FBXO34: variants seen among roughly 807,000 people sequenced by gnomAD.
FBXO34 encodes F-box only protein 34.
Under a neutral mutation model 24.5 loss-of-function variants are expected in FBXO34, and 12 were observed. The ratio of observed to expected loss-of-function variants is 0.49; its 90% CI spans 0.31 to 0.79. The LOEUF is 0.79. Ranked by LOEUF, FBXO34 falls within the 30% of genes least tolerant of loss-of-function variation. The probability of loss-of-function intolerance (pLI) is 0.04; values close to 1 mark genes in which losing one functional copy is unlikely to be tolerated. For missense variants in FBXO34, 823 were observed against 857.7 expected (o/e 0.96, Z 0.51); for synonymous variants, 320 against 311.9 (o/e 1.03, Z -0.27).
the FBXO34 span, among the ~76,000 whole-genome samples, chr14:55,405,314 A>G: frequency 6.6e-6 from 1 of 152,228 alleles, no homozygotes; most frequent in Non-Finnish European, 1.5e-5. Flanking sequence ...GAAATCTGCA[A>G]TAATATTTAA....
intron 1 of FBXO34, among the ~76,000 whole-genome samples, chr14:55,278,517 A>C (rs1226585663): frequency 1.3e-5 from 2 of 152,114 alleles, no homozygotes; most frequent in Non-Finnish European, 2.9e-5. Flanking sequence ...TCCTTTATTT[A>C]ATGAGCTCAG....
intron 1 of FBXO34, among the ~76,000 whole-genome samples, chr14:55,277,454 G>A (rs1242504647): frequency 6.6e-6 from 1 of 152,052 alleles, no homozygotes; most frequent in Non-Finnish European, 1.5e-5. Context: ...TTGAGTAGTT[G>A]GGTCTACAGG....
At chr14:55,284,965 A>G (rs1881707467) in intron 1 of FBXO34, among the ~76,000 whole-genome samples, 1 of 148,826 alleles carries the variant, frequency 6.7e-6, no homozygotes, top group Non-Finnish European at 1.5e-5. Context: ...GTGAATCTTT[A>G]CCATGTTTAT....
At chr14:55,296,134 G>A (rs1882113865) in intron 1 of FBXO34, among the ~76,000 whole-genome samples, 1 of 151,978 alleles carries the variant, frequency 6.6e-6, no homozygotes. Flanking sequence ...GTTAACCAAT[G>A]CTAATTTAAA....
At chr14:55,294,194 CTTA>C (rs986771548) in intron 1 of FBXO34, among the ~76,000 whole-genome samples, 2 of 152,088 alleles carry the variant, frequency 1.3e-5, no homozygotes, top group East Asian at 3.8e-4. Context: ...GTAGAATTTA[CTTA>C]TTATGACTAT....
In FBXO34 at chr14:55,352,621, C is replaced by G. The variant is rs142724770; in HGVS notation, c.*95C>G. 52 of 991,724 alleles carry G rather than the reference C, an allele frequency of 5.2e-5. 1 individual carries two copies. The highest frequency in any genetic ancestry group is 2.9e-5 in the Admixed American group (1 of 34,308). The allele number at this position is 991,724 out of a possible 1,614,324, so 61.4% of individuals were successfully genotyped here. On this transcript the variant is annotated 3_prime_UTR_variant, in exon 2 of 2. Coordinates refer to ENST00000313833, the MANE Select transcript of FBXO34 (RefSeq NM_017943.4). ...GAGCGTAGCCCCCTGAGTCATCACT[C>G]TAGAAGAATCTGTACATCATCAGGA...
the FBXO34 span, among the ~76,000 whole-genome samples, chr14:55,375,171 A>G: frequency 1.3e-5 from 2 of 152,226 alleles, no homozygotes; most frequent in African/African-American, 4.8e-5. Context: ...AATAAAAATA[A>G]GCTTCATAAT....
At chr14:55,414,402 G>T in the FBXO34 span, 6 of 1,607,416 alleles carry the variant, frequency 3.7e-6, no homozygotes, top group African/African-American at 8.0e-5. Flanking sequence ...AAACCTTTTA[G>T]AATAGGATAG....
intron 1 of FBXO34, among the ~76,000 whole-genome samples, chr14:55,301,089 G>A (rs1004970425): frequency 2.6e-5 from 4 of 152,138 alleles, no homozygotes; most frequent in Admixed American, 2.0e-4. Flanking sequence ...TACTACAGTG[G>A]ACTACTTTTC....
chr14:55,336,981 T>A (rs1594758981), intron 1 of FBXO34, among the ~76,000 whole-genome samples: 1 of 3,512 alleles, frequency 2.8e-4, no homozygotes, highest in African/African-American at 0.014. Flanking sequence ...TTTATTTTAT[T>A]TTTTTTTTTT....
the FBXO34 span, among the ~76,000 whole-genome samples, chr14:55,408,498 G>A: frequency 1.3e-5 from 2 of 152,048 alleles, no homozygotes; most frequent in African/African-American, 2.4e-5. Context: ...GCAGCCAGGC[G>A]TGGTGGCTCA....
intron 1 of FBXO34, among the ~76,000 whole-genome samples, chr14:55,320,857 T>C (rs898075383): frequency 4.6e-5 from 7 of 152,232 alleles, no homozygotes; most frequent in Admixed American, 4.6e-4. Flanking sequence ...ACTGTTGAGA[T>C]AGCAGATGGC....
At chr14:55,332,987 G>C (rs990891157) in intron 1 of FBXO34, among the ~76,000 whole-genome samples, 8 of 152,174 alleles carry the variant, frequency 5.3e-5, no homozygotes, top group African/African-American at 1.4e-4. Flanking sequence ...AGATGTTTGT[G>C]AAAATACTTT....
At chr14:55,337,864 T>G (rs1021671330) in intron 1 of FBXO34, among the ~76,000 whole-genome samples, 4 of 152,060 alleles carry the variant, frequency 2.6e-5, no homozygotes, top group African/African-American at 9.7e-5. Flanking sequence ...AGGAGTACCC[T>G]GCCATGGGCC....
At chr14:55,291,945 G>C (rs917052806) in intron 1 of FBXO34, among the ~76,000 whole-genome samples, 17 of 152,016 alleles carry the variant, frequency 1.1e-4, no homozygotes, top group African/African-American at 4.1e-4. Flanking sequence ...CAGCCTGCGT[G>C]ACAAAGTAAG....
rs535324278 is a variant in FBXO34, at chr14:55,313,526, T to C, written c.-10-36855T>C. Among the ~76,000 whole-genome samples, 5 of 152,346 alleles carry C rather than the reference T, an allele frequency of 3.3e-5. No individual in the cohort carries two copies. In the East Asian group the frequency reaches 9.6e-4, roughly 29 times the overall value. On this transcript the variant is annotated intron_variant, in intron 1 of 1. Coordinates refer to ENST00000313833, the MANE Select transcript of FBXO34 (RefSeq NM_017943.4). ...TTGATATCAATTTACTGTATTAGTC[T>C]GTTCTCACATTGCTGTAAAAAAAAC...
the FBXO34 span, among the ~76,000 whole-genome samples, chr14:55,388,017 A>G: frequency 9.9e-5 from 15 of 151,998 alleles, no homozygotes; most frequent in African/African-American, 3.6e-4. Flanking sequence ...GGTGCTTGTA[A>G]TCCCAGCTAC....
chr14:55,320,517 T>C (rs1357383316), intron 1 of FBXO34, among the ~76,000 whole-genome samples: 1 of 152,204 alleles, frequency 6.6e-6, no homozygotes, highest in Non-Finnish European at 1.5e-5. Context: ...TTTGGGAGGC[T>C]GAGGCGGGCA....
chr14:55,387,577 C>T, the FBXO34 span, among the ~76,000 whole-genome samples: 1 of 152,138 alleles, frequency 6.6e-6, no homozygotes, highest in East Asian at 1.9e-4. Flanking sequence ...ATAAAACGTA[C>T]CTGATAAATG....
Sources: gnomAD v4.1 joint callset for allele counts (sites outside exome capture counted in the v4.1 genomes callset) on GRCh38, gnomAD v4.1.1 for gene constraint, MANE v1.5 for transcripts, NCBI Gene and HGNC (gene_info 2026-07-23, HGNC 2026-07-21) for gene names.